The following RNF168 variants were observed in gnomAD, a reference collection of about 807,000 sequenced individuals.
RNF168 encodes ring finger protein 168.
Under a neutral mutation model 34.9 loss-of-function variants are expected in RNF168, and 34 were observed. The ratio of observed to expected loss-of-function variants is 0.97; its 90% CI spans 0.74 to 1.30. RNF168 has a LOEUF of 1.30. Among genes scored for constraint, RNF168 ranks in the 50% most tolerant of loss-of-function variants. The pLI, the probability that RNF168 is intolerant of heterozygous loss-of-function variation, is 0.00. For synonymous variants in RNF168, 264 were observed against 254.7 expected (o/e 1.04, Z -0.35); for missense variants, 725 against 682.5 (o/e 1.06, Z -0.69).
chr3:196,474,964 A>C (rs564561447), intron 5 of RNF168: 1 of 437,292 alleles, frequency 2.3e-6, no homozygotes, highest in Non-Finnish European at 4.2e-6. Context: ...CGTAGCTGAG[A>C]AGCTGTGACA....
intron 3 of RNF168, among the ~76,000 whole-genome samples, chr3:196,486,885 A>G (rs1387317384): frequency 1.3e-5 from 2 of 152,186 alleles, no homozygotes; most frequent in Non-Finnish European, 2.9e-5. Flanking sequence ...TTCAGGAAAC[A>G]TGGCAAAGCC....
chr3:196,473,471 CT>C (rs1243411155), intron 5 of RNF168, among the ~76,000 whole-genome samples: 6 of 152,330 alleles, frequency 3.9e-5, no homozygotes, highest in East Asian at 1.9e-4. Context: ...TGTGTCACCC[CT>C]GATGTAGTAC....
rs892109727 is a variant in RNF168, at chr3:196,470,970, G to A, written c.*849C>T. Reference sequence around the variant, plus strand: ...AAGCAGGTGGATCACCTGAGGACAGGAGTTCAAGACCAGCCTGGCCAACAT... The same window carrying A: ...AAGCAGGTGGATCACCTGAGGACAGAAGTTCAAGACCAGCCTGGCCAACAT... On this transcript the variant is annotated 3_prime_UTR_variant, in exon 6 of 6. Transcript: ENST00000318037. 2 of 150,638 alleles carry A rather than the reference G, an allele frequency of 1.3e-5. No homozygotes were observed. Among genetic ancestry groups the A allele is most frequent in the African/African-American group, 4.9e-5 (2 of 40,722 alleles). The allele number at this position is 150,638 out of a possible 1,614,324, so 9.3% of individuals were successfully genotyped here.
At chr3:196,486,273 G>C (rs760900582) in intron 3 of RNF168, among the ~76,000 whole-genome samples, 1 of 152,068 alleles carries the variant, frequency 6.6e-6, no homozygotes, top group Non-Finnish European at 1.5e-5. Context: ...TCTCTACGAT[G>C]TTATCAAGTG....
chr3:196,475,891 CCT>C (rs1478727450), intron 4 of RNF168, among the ~76,000 whole-genome samples: 10 of 128,124 alleles, frequency 7.8e-5, no homozygotes, highest in Admixed American at 4.1e-4. Context: ...ACGGAGTCTC[CCT>C]CTGTCGCCCA....
chr3:196,478,152 C>A (rs1224064972), intron 4 of RNF168, among the ~76,000 whole-genome samples: 3 of 149,842 alleles, frequency 2.0e-5, no homozygotes, highest in Admixed American at 2.0e-4. Context: ...TTTTTTTTTT[C>A]TTTTTTCCTT....
chr3:196,471,904 C>T lies in RNF168; in HGVS notation c.1631G>A (p.Cys544Tyr), dbSNP rs1732016174. 1.9e-6 allele frequency: 3 copies of T among 1,613,984 alleles called. No homozygotes were observed. Among genetic ancestry groups the T allele is most frequent in the Non-Finnish European group, 1.7e-6 (2 of 1,179,864 alleles). ...GGAGTGAGCACTTTTGGATACCTTA[C>T]AGTGATCTCTAGTAGAATTTGGCAT... ...RKMPNSTRDHCKVSKSAHSLQ... is the reference protein window; with the variant it reads ...RKMPNSTRDHYKVSKSAHSLQ... The change falls in exon 6 of 6, where the codon TGT becomes TAT. Residue 544 changes from cysteine (C) to tyrosine (Y), a missense_variant. Cys to Tyr is a radical substitution (Grantham distance 194). Transcript: ENST00000318037.
intron 1 of RNF168, among the ~76,000 whole-genome samples, chr3:196,495,421 T>C (rs552685864): frequency 2.6e-4 from 39 of 152,360 alleles, no homozygotes; most frequent in African/African-American, 9.4e-4. Flanking sequence ...TCCAGGGTCA[T>C]GCACTGCATT....
At chr3:196,490,179 C>T (rs1732558959) in intron 1 of RNF168, among the ~76,000 whole-genome samples, 1 of 152,074 alleles carries the variant, frequency 6.6e-6, no homozygotes, top group Non-Finnish European at 1.5e-5. Context: ...AAACAGTAAG[C>T]TATACAAAGA....
Position 196,471,795 on chromosome 3 carries a change from ACAAAGCACTCCCTTTAC to A in RNF168, c.*7_*23del. On this transcript the variant is annotated 3_prime_UTR_variant, in exon 6 of 6. Coordinates refer to ENST00000318037, the MANE Select transcript of RNF168 (RefSeq NM_152617.4). ...CTTCACATTCCAGCTTTACTAGATC[ACAAAGCACTCCCTTTAC>A]CAGGCCTTACTTTGTGCATCTCTGA... is the stretch of plus-strand genomic sequence containing the variant. The A allele has an allele frequency of 6.9e-7, 1 of 1,450,442 alleles. No homozygotes were observed. Among genetic ancestry groups the A allele is most frequent in the Non-Finnish European group, 9.7e-7 (1 of 1,031,192 alleles). The allele number at this position is 1,450,442 out of a possible 1,614,324, so 89.8% of individuals were successfully genotyped here. A position where few individuals can be genotyped will look rare whatever the true frequency, so the allele number is the denominator to read the frequency against.
chr3:196,477,433 C>T (rs1301773631), intron 4 of RNF168, among the ~76,000 whole-genome samples: 2 of 152,186 alleles, frequency 1.3e-5, no homozygotes, highest in Non-Finnish European at 2.9e-5. Flanking sequence ...ATATAAAGAA[C>T]TAATGAATAT....
At position 196,503,716 on chromosome 3, in the gene RNF168, T is replaced by A. The variant is rs1046851111; in HGVS notation, c.-543A>T. 6.2e-5 allele frequency: 11 copies of A among 177,460 alleles called. No individual in the cohort carries two copies. Among genetic ancestry groups the A allele is most frequent in the Non-Finnish European group, 1.2e-4 (10 of 82,342 alleles). The allele number at this position is 177,460 out of a possible 1,614,324, so 11.0% of individuals were successfully genotyped here. A position where few individuals can be genotyped will look rare whatever the true frequency, so the allele number is the denominator to read the frequency against. ...CAGAGCTCCGCGCCCCCGTCCCTCC[T>A]ACGCAGCCAGAAACCCTATTCGTTG... On this transcript the variant is annotated 5_prime_UTR_variant, in exon 1 of 6. Transcript: ENST00000318037.
intron 4 of RNF168, among the ~76,000 whole-genome samples, chr3:196,476,809 A>G (rs1301589673): frequency 2.0e-5 from 3 of 147,494 alleles, no homozygotes; most frequent in Non-Finnish European, 4.5e-5. Context: ...GTGCCGTGAC[A>G]TGATCTTGGC....
At chr3:196,488,745 C>A in intron 1 of RNF168, 62 bp from the exon 2 acceptor site, 1 of 1,086,904 alleles carries the variant, frequency 9.2e-7, no homozygotes, top group South Asian at 1.3e-5. Context: ...TAACTTTGGT[C>A]TTCCATTAAA....
chr3:196,498,398 C>A (rs1171187256), intron 1 of RNF168, among the ~76,000 whole-genome samples: 3 of 152,052 alleles, frequency 2.0e-5, no homozygotes, highest in African/African-American at 7.2e-5. Flanking sequence ...TGTGATCCAC[C>A]CGCCTCGGCC....
At chr3:196,474,794 T>C in intron 5 of RNF168, 1 of 196,244 alleles carries the variant, frequency 5.1e-6, no homozygotes, top group Admixed American at 5.3e-5. Context: ...TATAACCTAT[T>C]CAGTTTTGTG....
intron 4 of RNF168, among the ~76,000 whole-genome samples, chr3:196,480,615 A>AAT (rs1197358892): frequency 6.6e-6 from 1 of 152,160 alleles, no homozygotes; most frequent in African/African-American, 2.4e-5. Context: ...TTGTATATTT[A>AAT]ATATAATACA....
At chr3:196,501,983 CA>C (rs1732900728) in intron 1 of RNF168, among the ~76,000 whole-genome samples, 1 of 128,156 alleles carries the variant, frequency 7.8e-6, no homozygotes, top group Non-Finnish European at 1.6e-5. Context: ...TTTAAAATGG[CA>C]TTTTTTTACA....
chr3:196,469,907 A>G lies in RNF168; in HGVS notation c.*1912T>C, dbSNP rs550859598. On this transcript the variant is annotated 3_prime_UTR_variant, in exon 6 of 6. Transcript: ENST00000318037. ...AATGCAGGTTTCCAAAAATTCACCCAATTTAGTAACTAATTTTGATTCTGA... is the reference window on the plus strand; with the variant it reads ...AATGCAGGTTTCCAAAAATTCACCCGATTTAGTAACTAATTTTGATTCTGA... 1 of 152,204 alleles carries G rather than the reference A, an allele frequency of 6.6e-6. No individual in the cohort carries two copies. Among genetic ancestry groups the G allele is most frequent in the African/African-American group, 2.4e-5 (1 of 41,568 alleles). The allele number at this position is 152,204 out of a possible 1,614,324, so 9.4% of individuals were successfully genotyped here. A position where few individuals can be genotyped will look rare whatever the true frequency, so the allele number is the denominator to read the frequency against.
Sources: allele counts gnomAD v4.1 joint callset (sites outside exome capture counted in the v4.1 genomes callset), GRCh38; gene constraint gnomAD v4.1.1; transcripts MANE v1.5; gene names NCBI Gene and HGNC (gene_info 2026-07-23, HGNC 2026-07-21).